Variants in PCSK5 observed in about 807,000 individuals in gnomAD.
PCSK5 encodes prohormone convertase 5.
Under a neutral mutation model 233.2 loss-of-function variants are expected in PCSK5, and 129 were observed. The ratio of observed to expected loss-of-function variants is 0.55; its 90% CI spans 0.48 to 0.64. The LOEUF is 0.64. Ranked by LOEUF, PCSK5 falls within the 30% of genes least tolerant of loss-of-function variation. The pLI, the probability that PCSK5 is intolerant of heterozygous loss-of-function variation, is 0.00. For missense variants in PCSK5, 2,076 were observed against 2,430.1 expected (o/e 0.85, Z 3.06); for synonymous variants, 825 against 879.2 (o/e 0.94, Z 1.09).
At chr9:76,062,258 A>C (rs1413502420) in intron 5 of PCSK5, among the ~76,000 whole-genome samples, 1 of 152,144 alleles carries the variant, frequency 6.6e-6, no homozygotes, top group East Asian at 1.9e-4. Flanking sequence ...CTAAAAAAAA[A>C]ATGAAATTGT....
intron 7 of PCSK5, among the ~76,000 whole-genome samples, chr9:76,086,382 C>A (rs1831063664): frequency 6.6e-6 from 1 of 152,084 alleles, no homozygotes; most frequent in South Asian, 2.1e-4. Flanking sequence ...TGTGAGATGC[C>A]CCCACAAAAT....
intron 10 of PCSK5, among the ~76,000 whole-genome samples, chr9:76,146,870 G>A (rs531747890): frequency 2.6e-5 from 4 of 152,246 alleles, no homozygotes; most frequent in African/African-American, 9.6e-5. Context: ...GCTAGAAAAT[G>A]TGAATAATAC....
chr9:76,327,328 A>T (rs1829393641), intron 32 of PCSK5, among the ~76,000 whole-genome samples: 1 of 152,024 alleles, frequency 6.6e-6, no homozygotes, highest in African/African-American at 2.4e-5. Flanking sequence ...GCTGGTCTCG[A>T]ACTCCTGGGC....
At chr9:76,324,148 ACTC>A (rs1379292254) in intron 32 of PCSK5, among the ~76,000 whole-genome samples, 1 of 150,308 alleles carries the variant, frequency 6.7e-6, no homozygotes, top group Non-Finnish European at 1.5e-5. Flanking sequence ...CTGGTCTTGA[ACTC>A]CTGACCTCAA....
rs188763945 is a variant in PCSK5, at chr9:76,099,788, A to G, written c.1107+3686A>G. Among the ~76,000 whole-genome samples, 30 of 152,272 alleles carry G rather than the reference A, an allele frequency of 2.0e-4. 1 individual carries two copies. The highest frequency in any genetic ancestry group is 1.9e-3 in the Admixed American group (29 of 15,296). On this transcript the variant is annotated intron_variant, in intron 8 of 37. Transcript: ENST00000674117. The stretch of plus-strand genomic sequence containing the variant: ...AGTGGCATATGTGATTGAGTGCTAC[A>G]GGAATGGCAGTGCCTGTCTTTGTAC...
chr9:76,082,826 A>G (rs1830898976), intron 7 of PCSK5, among the ~76,000 whole-genome samples: 1 of 152,156 alleles, frequency 6.6e-6, no homozygotes, highest in South Asian at 2.1e-4. Context: ...ATTTTTTAGA[A>G]AAAGAGAAAA....
At chr9:76,114,335 G>A (rs1271674954) in intron 9 of PCSK5, among the ~76,000 whole-genome samples, 1 of 152,142 alleles carries the variant, frequency 6.6e-6, no homozygotes, top group East Asian at 1.9e-4. Context: ...CGGGCCTTCT[G>A]CCAGGACTGT....
intron 17 of PCSK5, among the ~76,000 whole-genome samples, chr9:76,185,170 A>G (rs889336593): frequency 3.9e-5 from 6 of 152,178 alleles, no homozygotes; most frequent in African/African-American, 1.4e-4. Context: ...TTCTCTCCAC[A>G]TAGCCAATCA....
intron 5 of PCSK5, among the ~76,000 whole-genome samples, chr9:76,063,360 T>C: frequency 8.6e-6 from 1 of 116,950 alleles, no homozygotes; most frequent in African/African-American, 3.5e-5. Context: ...TTGATAATTC[T>C]TGGGTGTTTC....
At chr9:75,956,886 A>G (rs1350738803) in intron 2 of PCSK5, among the ~76,000 whole-genome samples, 1 of 152,184 alleles carries the variant, frequency 6.6e-6, no homozygotes, top group Non-Finnish European at 1.5e-5. Context: ...TCTCAAAGAC[A>G]TAAGTCACAA....
chr9:76,360,494 C>CCTAT lies in PCSK5; in HGVS notation c.*1573_*1576dup, dbSNP rs1353199909. 6.6e-6 allele frequency: 1 copy of CCTAT among 152,152 alleles called. No homozygotes were observed. Among genetic ancestry groups the CCTAT allele is most frequent in the African/African-American group, 2.4e-5 (1 of 41,420 alleles). The allele number at this position is 152,152 out of a possible 1,614,324, so 9.4% of individuals were successfully genotyped here. ...CATCCTAAATATAATTAAAGTCATG[C>CCTAT]CTATTGTTTTAGTCTATAATATCAA... On this transcript the variant is annotated 3_prime_UTR_variant, in exon 38 of 38. Coordinates refer to ENST00000674117, the MANE Select transcript of PCSK5 (RefSeq NM_001372043.1).
chr9:76,318,021 T>A (rs1447525809), intron 30 of PCSK5, among the ~76,000 whole-genome samples: 2 of 152,294 alleles, frequency 1.3e-5, no homozygotes, highest in East Asian at 3.9e-4. Flanking sequence ...TGGATCATGA[T>A]AGAAAGCAAT....
chr9:76,152,756 A>AT (rs1012897929), intron 10 of PCSK5, among the ~76,000 whole-genome samples: 8 of 151,942 alleles, frequency 5.3e-5, no homozygotes, highest in East Asian at 1.9e-4. Context: ...AGAAACTTCT[A>AT]TTTTTTTTCC....
intron 8 of PCSK5, among the ~76,000 whole-genome samples, chr9:76,097,423 C>T (rs11144749): frequency 4.2e-5 from 6 of 144,210 alleles, no homozygotes; most frequent in African/African-American, 1.7e-4. Flanking sequence ...CCGCGCCCGG[C>T]TAATTTTTTT....
At chr9:76,228,101 C>G (rs1447497881) in intron 21 of PCSK5, among the ~76,000 whole-genome samples, 1 of 151,784 alleles carries the variant, frequency 6.6e-6, no homozygotes, top group Non-Finnish European at 1.5e-5. Context: ...TCCCTAGAAG[C>G]TGGGATTATA....
intron 30 of PCSK5, among the ~76,000 whole-genome samples, chr9:76,313,554 A>T (rs1416182929): frequency 6.6e-6 from 1 of 152,148 alleles, no homozygotes; most frequent in Admixed American, 6.5e-5. Context: ...TGAGCCAAGC[A>T]TGGTGGCCAT....
intron 2 of PCSK5, among the ~76,000 whole-genome samples, chr9:75,936,901 A>G (rs933180195): frequency 1.3e-5 from 2 of 152,166 alleles, no homozygotes; most frequent in African/African-American, 4.8e-5. Context: ...TCTTAAATAC[A>G]TTTGAAAGTA....
Position 75,990,254 on chromosome 9 carries a change from A to G in PCSK5, c.411+4009A>G, listed in dbSNP as rs147401761. On this transcript the variant is annotated intron_variant, in intron 3 of 37. Coordinates refer to ENST00000674117, the MANE Select transcript of PCSK5 (RefSeq NM_001372043.1). ...GCCTCCAGCTCGTTAGCCTGGGCCC[A>G]TTTCTGTCGTTCAATATTTATCACA... 3.3e-5 allele frequency among the ~76,000 whole-genome samples: 5 copies of G among 152,270 alleles called. No homozygotes were observed. In the East Asian group the frequency reaches 9.7e-4, roughly 29 times the overall value.
chr9:76,266,865 C>G (rs1827348488), intron 24 of PCSK5, among the ~76,000 whole-genome samples: 2 of 151,758 alleles, frequency 1.3e-5, no homozygotes, highest in Non-Finnish European at 2.9e-5. Context: ...GGTAGATGCT[C>G]TTTCATTGAG....
Sources: allele counts gnomAD v4.1 joint callset (sites outside exome capture counted in the v4.1 genomes callset), GRCh38; gene constraint gnomAD v4.1.1; transcripts MANE v1.5; gene names NCBI Gene and HGNC (gene_info 2026-07-23, HGNC 2026-07-21).